Variants in RBM25 observed in about 807,000 individuals in gnomAD.
RBM25 encodes RNA-binding protein 25.
In RBM25, 19 loss-of-function variants were observed where a neutral mutation model predicts 120.7. The ratio of observed to expected loss-of-function variants is 0.16; its 90% CI spans 0.11 to 0.23. The LOEUF is 0.23. Among genes scored for constraint, RBM25 ranks in the 10% least tolerant of loss-of-function variants. The probability of loss-of-function intolerance (pLI) is 1.00; values close to 1 mark genes in which losing one functional copy is unlikely to be tolerated. For synonymous variants in RBM25, 390 were observed against 326.7 expected (o/e 1.19, Z -2.09); for missense variants, 605 against 1,041.5 (o/e 0.58, Z 5.77).
At position 73,104,371 on chromosome 14, in the gene RBM25, AT is replaced by A. The variant is rs535410003; in HGVS notation, c.1154+906del. The stretch of plus-strand genomic sequence containing the variant: ...TATTTAAAATTTTTTAATTATATTG[AT>A]TTTTTTTTTTTTCTGAGACAAGTTT... On this transcript the variant is annotated intron_variant, in intron 10 of 18. Transcript: ENST00000261973. Among the ~76,000 whole-genome samples the A allele has an allele frequency of 6.8e-3, 965 of 142,440 alleles. 7 individuals are homozygous for A. The highest frequency in any genetic ancestry group is 0.014 in the African/African-American group (548 of 39,040). 93.4% of individuals were successfully genotyped at this position (142,440 alleles called of 152,430 possible).
intron 1 of RBM25, chr14:73,059,446 T>C (rs1189734134): frequency 6.6e-6 from 1 of 152,188 alleles, no homozygotes; most frequent in African/African-American, 2.4e-5. Flanking sequence ...AATCCTGCTT[T>C]TAAATACGGT....
chr14:73,120,016 C>A lies in RBM25; in HGVS notation c.*211C>A. 1 of 590,836 alleles carries A rather than the reference C, an allele frequency of 1.7e-6. No individual in the cohort carries two copies. 36.6% of individuals were successfully genotyped at this position (590,836 alleles called of 1,614,324 possible). A position where few individuals can be genotyped will look rare whatever the true frequency, so the allele number is the denominator to read the frequency against. ...AATCCTTGGTTCTCTTTATACTCAC[C>A]AGGTACAAATTACTGGTATGTTTTA... On this transcript the variant is annotated 3_prime_UTR_variant, in exon 19 of 19. Transcript: ENST00000261973.
rs1400990192 is a variant in RBM25, at chr14:73,076,474, A to C, written c.156+106A>C. 3 of 1,040,078 alleles carry C rather than the reference A, an allele frequency of 2.9e-6. No homozygotes were observed. The African/African-American group carries it at 4.8e-5, about 17-fold the overall frequency. 64.4% of individuals were successfully genotyped at this position (1,040,078 alleles called of 1,614,324 possible). On this transcript the variant is annotated intron_variant, in intron 3 of 18. Coordinates refer to ENST00000261973, the MANE Select transcript of RBM25 (RefSeq NM_021239.3). Reference sequence around the variant, plus strand: ...AATTATGAGTATTTAAAAGAATAACAAGGACAGAATGACAGCACCCCTGTA... The same window carrying C: ...AATTATGAGTATTTAAAAGAATAACCAGGACAGAATGACAGCACCCCTGTA...
rs1896525765 is a variant in RBM25 at position 73,120,750 on chromosome 14, G to GA, written c.*949dup. ...ATTCATCATACCAAAAAGTGTAAGT[G>GA]AAAACCCCCTTTAAAACAAAACAAA... On this transcript the variant is annotated 3_prime_UTR_variant, in exon 19 of 19. Transcript: ENST00000261973. The GA allele has an allele frequency of 6.6e-6, 1 of 152,028 alleles. No individual in the cohort carries two copies. Among genetic ancestry groups the GA allele is most frequent in the Non-Finnish European group, 1.5e-5 (1 of 67,990 alleles). 9.4% of individuals were successfully genotyped at this position (152,028 alleles called of 1,614,324 possible).
chr14:73,071,979 C>CTT (rs915182451), intron 2 of RBM25, among the ~76,000 whole-genome samples: 1 of 143,366 alleles, frequency 7.0e-6, no homozygotes, highest in Non-Finnish European at 1.5e-5. Flanking sequence ...TTAAAAAATT[C>CTT]TTTTTTTTTT....
intron 10 of RBM25, 78 bp from the exon 11 acceptor site, chr14:73,105,781 G>GT: frequency 6.4e-7 from 1 of 1,554,416 alleles, no homozygotes; most frequent in Non-Finnish European, 8.7e-7. Context: ...ATTTCATAAT[G>GT]TATGTTGTCC....
At chr14:73,068,680 C>T (rs1312344628) in intron 1 of RBM25, 9 of 335,494 alleles carry the variant, frequency 2.7e-5, no homozygotes, top group Non-Finnish European at 5.2e-5. Context: ...GCTTCCTTGG[C>T]TGGACTGCAG....
intron 9 of RBM25, chr14:73,100,112 T>C: frequency 2.1e-6 from 1 of 471,958 alleles, no homozygotes. Context: ...TTTAACTTGA[T>C]CTTAGGAATA....
At chr14:73,094,054 C>G (rs1160333742) in intron 6 of RBM25, among the ~76,000 whole-genome samples, 1 of 150,274 alleles carries the variant, frequency 6.7e-6, no homozygotes, top group African/African-American at 2.5e-5. Context: ...CGGGTTCACG[C>G]CATTCTCCTG....
chr14:73,074,239 G>A (rs1215947890), intron 2 of RBM25, among the ~76,000 whole-genome samples: 4 of 151,890 alleles, frequency 2.6e-5, no homozygotes, highest in Admixed American at 2.6e-4. Flanking sequence ...ATTTTTTTGA[G>A]ACAGGATCTC....
chr14:73,077,243 A>G, intron 3 of RBM25, 126 bp from the exon 4 acceptor site: 1 of 771,966 alleles, frequency 1.3e-6, no homozygotes, highest in South Asian at 2.5e-5. Context: ...TTAGAAGTAT[A>G]CAAGCATGCA....
chr14:73,100,535 GA>G, intron 9 of RBM25: 3 of 446,742 alleles, frequency 6.7e-6, no homozygotes, highest in Non-Finnish European at 1.2e-5. Context: ...CGCTGGTGTT[GA>G]AAATGATGCT....
chr14:73,109,133 CAT>C, intron 13 of RBM25: 2 of 396,276 alleles, frequency 5.0e-6, no homozygotes, highest in Non-Finnish European at 9.2e-6. Flanking sequence ...ATGAAGGGAA[CAT>C]AGTGATAAAT....
At chr14:73,065,790 AGT>A (rs1354838717) in intron 1 of RBM25, among the ~76,000 whole-genome samples, 3 of 148,492 alleles carry the variant, frequency 2.0e-5, no homozygotes, top group Non-Finnish European at 4.4e-5. Flanking sequence ...CCTGACCTCC[AGT>A]GATCTGCCCG....
At chr14:73,109,847 T>C (rs1594933830) in intron 14 of RBM25, among the ~76,000 whole-genome samples, 1 of 152,008 alleles carries the variant, frequency 6.6e-6, no homozygotes, top group African/African-American at 2.4e-5. Context: ...ATTACAGGTG[T>C]GTGCCACCTC....
intron 6 of RBM25, among the ~76,000 whole-genome samples, chr14:73,090,305 C>A (rs1895784893): frequency 1.3e-5 from 2 of 152,154 alleles, no homozygotes; most frequent in African/African-American, 4.8e-5. Context: ...CCCACCTCGG[C>A]CTCTCAAAGT....
chr14:73,066,016 A>T (rs1161660944), intron 1 of RBM25, among the ~76,000 whole-genome samples: 1 of 152,154 alleles, frequency 6.6e-6, no homozygotes, highest in Non-Finnish European at 1.5e-5. Context: ...AAATTTGTTT[A>T]TTGAAGTCCT....
At chr14:73,096,655 A>G (rs187435303) in intron 6 of RBM25, among the ~76,000 whole-genome samples, 2 of 152,306 alleles carry the variant, frequency 1.3e-5, no homozygotes, top group East Asian at 3.9e-4. Context: ...GATGTGTCGT[A>G]TAGTGTGCTA....
At chr14:73,061,412 TG>T in intron 1 of RBM25, among the ~76,000 whole-genome samples, 1 of 151,468 alleles carries the variant, frequency 6.6e-6, no homozygotes, top group South Asian at 2.1e-4. Flanking sequence ...AAAATTCACC[TG>T]TAAGTGCACA....
Sources: allele counts gnomAD v4.1 joint callset (sites outside exome capture counted in the v4.1 genomes callset), GRCh38; gene constraint gnomAD v4.1.1; transcripts MANE v1.5; gene names NCBI Gene and HGNC (gene_info 2026-07-23, HGNC 2026-07-21).